The following SLC22A11 variants were observed in gnomAD, a reference collection of about 807,000 sequenced individuals.
The protein encoded by SLC22A11 is solute carrier family 22 member 11.
SLC22A11 carries 42 observed loss-of-function variants against 49.4 expected under a neutral mutation model. The ratio of observed to expected loss-of-function variants is 0.85; its 90% CI spans 0.66 to 1.10. SLC22A11 has a LOEUF of 1.10. SLC22A11 is among the 50% of genes least tolerant of loss of function. The pLI, the probability that SLC22A11 is intolerant of heterozygous loss-of-function variation, is 0.00. For missense variants in SLC22A11, 685 were observed against 731.6 expected (o/e 0.94, Z 0.74); for synonymous variants, 304 against 315.8 (o/e 0.96, Z 0.40).
chr11:64,561,007 C>T (rs542297258), intron 2 of SLC22A11, among the ~76,000 whole-genome samples: 4 of 152,238 alleles, frequency 2.6e-5, no homozygotes, highest in African/African-American at 4.8e-5. Flanking sequence ...ACGCAGTTGT[C>T]GTGAGGATGA....
At chr11:64,563,610 TAAAAAAA>T (rs869085115) in intron 4 of SLC22A11, among the ~76,000 whole-genome samples, 23 of 43,842 alleles carry the variant, frequency 5.2e-4, no homozygotes, top group African/African-American at 6.4e-4. Context: ...TTAAATGTGC[TAAAAAAA>T]AAAAAAAAAA....
At chr11:64,560,841 C>CA (rs1207858673) in intron 2 of SLC22A11, among the ~76,000 whole-genome samples, 3 of 152,220 alleles carry the variant, frequency 2.0e-5, no homozygotes, top group Admixed American at 1.3e-4. Flanking sequence ...CTCCTGCCAC[C>CA]ACCCTACTGG....
At chr11:64,556,896 G>A (rs1309696440) in intron 1 of SLC22A11, among the ~76,000 whole-genome samples, 1 of 152,088 alleles carries the variant, frequency 6.6e-6, no homozygotes, top group Non-Finnish European at 1.5e-5. Flanking sequence ...GATTTTATGA[G>A]GAAGCGCCAG....
chr11:64,567,143 A>C (rs1478036021), intron 6 of SLC22A11, among the ~76,000 whole-genome samples: 1 of 152,048 alleles, frequency 6.6e-6, no homozygotes, highest in Non-Finnish European at 1.5e-5. Flanking sequence ...CAGGCTCTCC[A>C]TCCTGAATGT....
At chr11:64,557,193 T>C (rs1391397488) in intron 1 of SLC22A11, among the ~76,000 whole-genome samples, 1 of 152,186 alleles carries the variant, frequency 6.6e-6, no homozygotes, top group Non-Finnish European at 1.5e-5. Context: ...CACAATCTTG[T>C]GGGATGGGTC....
chr11:64,557,912 CTCA>C lies in SLC22A11; in HGVS notation c.394-1222_394-1220del, dbSNP rs1368485493. 2.0e-5 allele frequency among the ~76,000 whole-genome samples: 3 copies of C among 151,938 alleles called. No homozygotes were observed. In the East Asian group the frequency reaches 5.8e-4, roughly 29 times the overall value. On this transcript the variant is annotated intron_variant, in intron 1 of 9. Transcript: ENST00000301891. ...TTCTGGGTCCAAGCGATTCTCCAGC[CTCA>C]GCCTCCCGAGTAGCTGGAATTACAG...
chr11:64,561,257 C>A (rs1359421419), intron 2 of SLC22A11, among the ~76,000 whole-genome samples: 1 of 152,236 alleles, frequency 6.6e-6, no homozygotes, highest in African/African-American at 2.4e-5. Flanking sequence ...AAGTCTCGGC[C>A]TCCTTACTCC....
rs749012398 is a variant in SLC22A11, at chr11:64,567,640, T to G, written c.1100T>G (p.Leu367Arg). 2 of 1,614,136 alleles carry G rather than the reference T, an allele frequency of 1.2e-6. No homozygotes were observed. The highest frequency in any genetic ancestry group is 2.2e-5 in the South Asian group (2 of 91,086). Reference sequence around the variant, plus strand: ...TCCTACTATGGGCTGGTCTTCGACCTGCAGAGCCTGGGCCGTGACATCTTC... The same window carrying G: ...TCCTACTATGGGCTGGTCTTCGACCGGCAGAGCCTGGGCCGTGACATCTTC... ...LISYYGLVFD[L>R]QSLGRDIFLL... Residue 367 changes from leucine (L) to arginine (R), a missense_variant, in exon 7 of 10, where the codon CTG becomes CGG. By Grantham distance (102) the Leu-to-Arg change is moderately radical. Transcript: ENST00000301891.
chr11:64,568,351 G>A (rs2038656468), intron 7 of SLC22A11, among the ~76,000 whole-genome samples: 1 of 152,198 alleles, frequency 6.6e-6, no homozygotes, highest in Non-Finnish European at 1.5e-5. Context: ...CGCTCTCTCC[G>A]TCATAGCAAG....
At chr11:64,560,353 G>A (rs1244843251) in intron 2 of SLC22A11, among the ~76,000 whole-genome samples, 1 of 151,994 alleles carries the variant, frequency 6.6e-6, no homozygotes, top group African/African-American at 2.4e-5. Context: ...AGGTTGATCT[G>A]GTCAATAAAA....
intron 2 of SLC22A11, among the ~76,000 whole-genome samples, chr11:64,560,790 G>A (rs568852161): frequency 2.6e-5 from 4 of 152,126 alleles, no homozygotes; most frequent in Admixed American, 1.3e-4. Flanking sequence ...TGGCAGACAC[G>A]CAGTCATTAT....
chr11:64,558,908 G>C (rs1308701586), intron 1 of SLC22A11, among the ~76,000 whole-genome samples: 1 of 152,186 alleles, frequency 6.6e-6, no homozygotes, highest in Non-Finnish European at 1.5e-5. Context: ...ACTGGACCCC[G>C]TGGAGTGGCC....
At chr11:64,570,882 G>A (rs2038694424) in intron 9 of SLC22A11, 97 bp from the exon 10 acceptor site, 8 of 1,183,906 alleles carry the variant, frequency 6.8e-6, no homozygotes, top group Non-Finnish European at 8.8e-6. Flanking sequence ...ATGCCATAGA[G>A]TTTACCCCCC....
chr11:64,559,343 C>T (rs948933102), intron 2 of SLC22A11, 105 bp downstream of exon 2: 12 of 848,266 alleles, frequency 1.4e-5, no homozygotes, highest in African/African-American at 1.1e-4. Context: ...TCCCTGCTTC[C>T]GTCTCCCTCC....
In SLC22A11 at chr11:64,569,876, CCTG is replaced by C; in HGVS notation, c.1589+19_1589+21del. 1 of 1,610,052 alleles carries C rather than the reference CCTG, an allele frequency of 6.2e-7. No homozygotes were observed. Among genetic ancestry groups the C allele is most frequent in the South Asian group, 1.1e-5 (1 of 91,054 alleles). Reference sequence around the variant, plus strand: ...GAGAGCCAGTGAGTGACCTGTGATCCCTGGGCATCGGGCTGGGCTTCCTCCTGG... The same window carrying C: ...GAGAGCCAGTGAGTGACCTGTGATCCGGCATCGGGCTGGGCTTCCTCCTGG... On this transcript the variant is annotated intron_variant, in intron 9 of 9. Transcript: ENST00000301891.
At chr11:64,568,860 G>C in intron 8 of SLC22A11, 82 bp downstream of exon 8, 1 of 1,335,532 alleles carries the variant, frequency 7.5e-7, no homozygotes, top group South Asian at 1.2e-5. Flanking sequence ...GGGTCTGGCA[G>C]CCAGGGAAAT....
chr11:64,565,467 G>A lies in SLC22A11; in HGVS notation c.1058+130G>A. 1.3e-6 allele frequency: 1 copy of A among 761,904 alleles called. No homozygotes were observed. The highest frequency in any genetic ancestry group is 1.5e-5 in the South Asian group (1 of 68,126). The allele number at this position is 761,904 out of a possible 1,614,324, so 47.2% of individuals were successfully genotyped here. ...CCTCAAGGGGGTGCATTTCTGTCTG[G>A]GACAGGACGCAGACAGCCCCAGCAG... On this transcript the variant is annotated intron_variant, in intron 6 of 9. Coordinates refer to ENST00000301891, the MANE Select transcript of SLC22A11 (RefSeq NM_018484.4). This position sits in a 1 kb window ranked among gnomAD's most constrained non-coding sequence, Gnocchi z 4.1.
At position 64,562,096 on chromosome 11, in the gene SLC22A11, G is replaced by A. The variant is rs755335247; in HGVS notation, c.590G>A (p.Cys197Tyr). The change falls in exon 3 of 10, where the codon TGC becomes TAC. Residue 197 changes from cysteine to tyrosine, a missense_variant. By Grantham distance (194) the Cys-to-Tyr change is radical. Coordinates refer to ENST00000301891, the MANE Select transcript of SLC22A11 (RefSeq NM_018484.4). The surrounding 1 kb of genome is among the most constrained non-coding windows in gnomAD (Gnocchi z 4.4). ...TIFAPTFVIY[C>Y]GLRFVAAFGM... ...TTCGCCCCAACATTCGTCATCTACT[G>A]CGGCCTGCGGTTCGTGGCCGCTTTT... is the stretch of plus-strand genomic sequence containing the variant. The A allele has an allele frequency of 6.2e-6, 10 of 1,613,802 alleles. No individual in the cohort carries two copies. Among genetic ancestry groups the A allele is most frequent in the African/African-American group, 1.3e-5 (1 of 74,942 alleles).
intron 9 of SLC22A11, 124 bp downstream of exon 9, chr11:64,569,982 A>C: frequency 1.2e-6 from 1 of 810,780 alleles, no homozygotes; most frequent in Non-Finnish European, 1.9e-6. Flanking sequence ...AAACCATTTA[A>C]TCTTTCCAAC....
Sources: gnomAD v4.1 joint callset for allele counts (sites outside exome capture counted in the v4.1 genomes callset) on GRCh38, gnomAD v4.1.1 for gene constraint, Gnocchi (gnomAD v3.1) non-coding constraint, MANE v1.5 for transcripts, NCBI Gene and HGNC (gene_info 2026-07-23, HGNC 2026-07-21) for gene names.